The following CLPB variants were observed in gnomAD, a reference collection of about 807,000 sequenced individuals.
CLPB encodes mitochondrial disaggregase.
In CLPB, 40 loss-of-function variants were observed where a neutral mutation model predicts 78.4. The ratio of observed to expected loss-of-function variants is 0.51; its 90% CI spans 0.40 to 0.66. CLPB has a LOEUF of 0.66. Ranked by LOEUF, CLPB falls within the 30% of genes least tolerant of loss-of-function variation. The pLI is 0.00. For missense variants in CLPB, 780 were observed against 886.9 expected, an observed-to-expected ratio of 0.88 and a Z score of 1.53; for synonymous variants, 333 against 348.0, an observed-to-expected ratio of 0.96 and a Z score of 0.48.
At chr11:72,314,143 A>G (rs1425682857) in intron 7 of CLPB, among the ~76,000 whole-genome samples, 1 of 152,204 alleles carries the variant, frequency 6.6e-6, no homozygotes, top group African/African-American at 2.4e-5. Context: ...GCCATACGCA[A>G]TCCTTCTGTA....
Position 72,434,246 on chromosome 11 carries a change from G to T in CLPB, c.229C>A (p.Arg77Ser), listed in dbSNP as rs567785578. ...GAATGGRQGGRFDTKCLAAAT... is the reference protein window; with the variant it reads ...GAATGGRQGGSFDTKCLAAAT... ...GCCGCGAGGCATTTGGTATCGAAGC[G>T]TCCTCCCTGGCGCCCCCCGGTGGCT... The change falls in exon 1 of 16, where the codon CGC (arginine) becomes AGC (serine). Residue 77 changes from arginine to serine, a missense_variant. Physicochemically the swap from Arg to Ser is moderately radical, Grantham distance 110. Coordinates refer to ENST00000538039, the MANE Select transcript of CLPB (RefSeq NM_001258392.3). 3 of 1,613,326 alleles carry T rather than the reference G, an allele frequency of 1.9e-6. No homozygotes were observed. Among genetic ancestry groups the T allele is most frequent in the Admixed American group, 3.3e-5 (2 of 60,002 alleles).
chr11:72,429,880 C>A (rs985388755), intron 2 of CLPB, among the ~76,000 whole-genome samples: 13 of 152,242 alleles, frequency 8.5e-5, no homozygotes, highest in African/African-American at 2.7e-4. Context: ...CATTTCTAGC[C>A]CCAGACCTTC....
intron 2 of CLPB, among the ~76,000 whole-genome samples, chr11:72,411,527 C>T (rs1244719195): frequency 6.6e-6 from 1 of 152,122 alleles, no homozygotes; most frequent in Non-Finnish European, 1.5e-5. Flanking sequence ...TGTTATAATT[C>T]TAAATATGTG....
chr11:72,413,798 A>G (rs1357778407), intron 2 of CLPB, among the ~76,000 whole-genome samples: 2 of 152,174 alleles, frequency 1.3e-5, no homozygotes, highest in Admixed American at 6.5e-5. Flanking sequence ...TTCAATGTGG[A>G]TAACAATTTT....
chr11:72,411,823 C>G (rs991679657), intron 2 of CLPB: 2 of 152,288 alleles, frequency 1.3e-5, no homozygotes, highest in Non-Finnish European at 2.9e-5. Context: ...TTCACATGAA[C>G]CAGCCCTCAG....
chr11:72,409,743 G>A (rs1855819469), intron 2 of CLPB, among the ~76,000 whole-genome samples: 3 of 152,120 alleles, frequency 2.0e-5, no homozygotes, highest in South Asian at 2.1e-4. Context: ...TTTGGAAGAC[G>A]GAGGCGGGTG....
intron 5 of CLPB, among the ~76,000 whole-genome samples, chr11:72,345,755 A>G (rs1950501128): frequency 6.6e-6 from 1 of 152,240 alleles, no homozygotes; most frequent in Admixed American, 6.5e-5. Flanking sequence ...CTGTATTTCA[A>G]ATGAAGAGCA....
Position 72,328,707 on chromosome 11 carries a change from T to G in CLPB, c.873+1000A>C, listed in dbSNP as rs934833486. Among the ~76,000 whole-genome samples the G allele has an allele frequency of 5.3e-5, 8 of 152,342 alleles. No individual in the cohort carries two copies. The East Asian group carries it at 1.5e-3, about 29-fold the overall frequency. ...GGCACAAAAGTCAAAAACCAGGTCT[T>G]CCAGTCCCCGTCCTGCCACTGAACC... On this transcript the variant is annotated intron_variant, in intron 6 of 15. Transcript: ENST00000538039.
At chr11:72,323,515 T>C (rs1384363091) in intron 6 of CLPB, among the ~76,000 whole-genome samples, 2 of 144,738 alleles carry the variant, frequency 1.4e-5, no homozygotes, top group Non-Finnish European at 3.0e-5. Flanking sequence ...TGCAGTGAAC[T>C]GAGATCACAC....
chr11:72,403,980 C>G (rs980177173), intron 2 of CLPB, among the ~76,000 whole-genome samples: 1 of 152,118 alleles, frequency 6.6e-6, no homozygotes, highest in Non-Finnish European at 1.5e-5. Flanking sequence ...TAAGAGTAAT[C>G]GCCTCTTTTC....
At chr11:72,331,862 C>T (rs1263683293) in intron 5 of CLPB, among the ~76,000 whole-genome samples, 1 of 152,120 alleles carries the variant, frequency 6.6e-6, no homozygotes. Context: ...GTGTGAGCCA[C>T]CATGCCCAGC....
chr11:72,402,216 G>A (rs1229248251), intron 3 of CLPB, among the ~76,000 whole-genome samples: 4 of 152,238 alleles, frequency 2.6e-5, no homozygotes, highest in East Asian at 1.9e-4. Context: ...GCCATAGATC[G>A]TACCACTGCA....
At chr11:72,320,044 T>G (rs1050175801) in intron 6 of CLPB, among the ~76,000 whole-genome samples, 3 of 152,186 alleles carry the variant, frequency 2.0e-5, no homozygotes, top group African/African-American at 7.2e-5. Context: ...GAACCCTAGG[T>G]CTGCAGGGTG....
chr11:72,368,307 C>T (rs1950981219), intron 4 of CLPB, among the ~76,000 whole-genome samples: 1 of 152,130 alleles, frequency 6.6e-6, no homozygotes, highest in Non-Finnish European at 1.5e-5. Flanking sequence ...GGTACTGTGC[C>T]AGGAACTTTA....
chr11:72,341,899 G>C (rs973048732), intron 5 of CLPB, among the ~76,000 whole-genome samples: 9 of 152,210 alleles, frequency 5.9e-5, no homozygotes, highest in South Asian at 2.1e-4. Flanking sequence ...TGAGATGGAG[G>C]CTGGTTTGAT....
intron 2 of CLPB, among the ~76,000 whole-genome samples, chr11:72,407,429 G>A (rs1450005085): frequency 6.6e-6 from 1 of 152,138 alleles, no homozygotes; most frequent in Non-Finnish European, 1.5e-5. Flanking sequence ...ACAATTTTGA[G>A]CTATTTGTTA....
intron 2 of CLPB, among the ~76,000 whole-genome samples, chr11:72,408,463 C>A (rs1175867237): frequency 6.6e-6 from 1 of 151,990 alleles, no homozygotes; most frequent in Non-Finnish European, 1.5e-5. Context: ...GTCAGGAGAT[C>A]AAGACCATCC....
At chr11:72,416,245 T>C (rs974059934) in intron 2 of CLPB, among the ~76,000 whole-genome samples, 9 of 152,316 alleles carry the variant, frequency 5.9e-5, no homozygotes, top group African/African-American at 1.7e-4. Context: ...CAAAGCTCCT[T>C]GTATACAAAT....
At chr11:72,298,005 CCTCT>C (rs149255110) in intron 11 of CLPB, among the ~76,000 whole-genome samples, 2,242 of 152,204 alleles carry the variant, frequency 0.015, 28 homozygotes, top group Non-Finnish European at 0.023. Context: ...GCCTCACCTC[CCTCT>C]AACAACCAGA....
Sources: gnomAD v4.1 joint callset for allele counts (sites outside exome capture counted in the v4.1 genomes callset) on GRCh38, gnomAD v4.1.1 for gene constraint, MANE v1.5 for transcripts, NCBI Gene and HGNC (gene_info 2026-07-23, HGNC 2026-07-21) for gene names.